Variants in MCRIP1 observed in about 807,000 individuals in gnomAD.
The protein encoded by MCRIP1 is mapk-regulated corepressor-interacting protein 1.
A neutral mutation model predicts 14.4 loss-of-function variants in MCRIP1; 10 were observed. That is an observed-to-expected ratio of 0.70 (90% CI 0.43 to 1.18). The LOEUF (loss-of-function observed/expected upper bound fraction) is 1.18. MCRIP1 is among the 50% of genes most tolerant of loss of function. The pLI, the probability that MCRIP1 is intolerant of heterozygous loss-of-function variation, is 0.00. For synonymous variants in MCRIP1, 53 were observed against 55.7 expected, an observed-to-expected ratio of 0.95 and a Z score of 0.21; for missense variants, 119 against 135.4, an observed-to-expected ratio of 0.88 and a Z score of 0.60.
intron 1 of MCRIP1, among the ~76,000 whole-genome samples, chr17:81,831,015 T>C (rs1033950716): frequency 1.3e-5 from 2 of 150,864 alleles, no homozygotes; most frequent in Admixed American, 6.6e-5. Flanking sequence ...TAAAAAAAAA[T>C]ACAAAAATTA....
chr17:81,822,887 CCTT>C lies in MCRIP1; in HGVS notation c.*357_*359del, dbSNP rs1275268987. ...AGCAGCCTGGGAGGCAGCAGAGGCTCCTTCTTCTCCCCTCCTGATCCTGCAGTG... is the reference window on the plus strand; with the variant it reads ...AGCAGCCTGGGAGGCAGCAGAGGCTCCTTCTCCCCTCCTGATCCTGCAGTG... On this transcript the variant is annotated 3_prime_UTR_variant, in exon 5 of 5. Coordinates refer to ENST00000455127, the MANE Select transcript of MCRIP1 (RefSeq NM_207368.5). 2.8e-5 allele frequency: 12 copies of C among 426,196 alleles called. No homozygotes were observed. Among genetic ancestry groups the C allele is most frequent in the East Asian group, 1.3e-4 (3 of 22,262 alleles). The allele number at this position is 426,196 out of a possible 1,614,324, so 26.4% of individuals were successfully genotyped here.
chr17:81,824,970 C>T, intron 1 of MCRIP1: 2 of 1,069,804 alleles, frequency 1.9e-6, no homozygotes, highest in Non-Finnish European at 2.3e-6. Flanking sequence ...TGCAGCCCCT[C>T]AGCTAACTGA....
At chr17:81,824,057 C>A (rs1263084600) in intron 3 of MCRIP1, among the ~76,000 whole-genome samples, 1 of 152,226 alleles carries the variant, frequency 6.6e-6, no homozygotes, top group Non-Finnish European at 1.5e-5. Flanking sequence ...GCCCCTCCTC[C>A]CGGGCTCCCC....
At chr17:81,832,995 C>T (rs1449719320) in intron 1 of MCRIP1, among the ~76,000 whole-genome samples, 1 of 151,766 alleles carries the variant, frequency 6.6e-6, no homozygotes, top group Non-Finnish European at 1.5e-5. Context: ...GAAAGGCGCT[C>T]AGTCCGAGCC....
intron 1 of MCRIP1, chr17:81,825,030 G>C (rs1190474055): frequency 9.8e-7 from 1 of 1,020,398 alleles, no homozygotes; most frequent in African/African-American, 1.7e-5. Context: ...GCTGAGCCTT[G>C]ATTTCCTTTC....
intron 1 of MCRIP1, among the ~76,000 whole-genome samples, chr17:81,828,945 G>A (rs72860583): frequency 0.23 from 34,604 of 152,112 alleles, 4,474 homozygotes; most frequent in African/African-American, 0.35. Flanking sequence ...AGTGTGGCTG[G>A]CAGGCAGCTC....
intron 1 of MCRIP1, chr17:81,826,521 T>TG: frequency 1.9e-6 from 1 of 530,890 alleles, no homozygotes; most frequent in Non-Finnish European, 3.1e-6. Context: ...AGACCCTGTG[T>TG]CAAAAAAAAA....
chr17:81,828,091 G>GT (rs2038446950), intron 1 of MCRIP1, among the ~76,000 whole-genome samples: 1 of 152,018 alleles, frequency 6.6e-6, no homozygotes, highest in Non-Finnish European at 1.5e-5. Context: ...CACCCATACA[G>GT]TTTTTTAAGT....
intron 1 of MCRIP1, chr17:81,825,318 C>T (rs2143215075): frequency 6.1e-6 from 7 of 1,144,406 alleles, no homozygotes; most frequent in Non-Finnish European, 7.6e-6. Flanking sequence ...GACGCTCACA[C>T]TGGCAGGCTG....
rs969796296 is a variant in MCRIP1 at position 81,824,508 on chromosome 17, G to T, written c.-2C>A. On this transcript the variant is annotated 5_prime_UTR_variant, in exon 2 of 5. Coordinates refer to ENST00000455127, the MANE Select transcript of MCRIP1 (RefSeq NM_207368.5). ...CCTGCCTGAGACCCACCTGGTCATC[G>T]CGGGGGCGTCTGATCCTAGCGCTCC... 2 of 1,536,072 alleles carry T rather than the reference G, an allele frequency of 1.3e-6. No individual in the cohort carries two copies. Among genetic ancestry groups the T allele is most frequent in the African/African-American group, 1.4e-5 (1 of 73,052 alleles).
Position 81,823,546 on chromosome 17 carries a change from C to A in MCRIP1, c.128-33G>T. 1 of 1,525,672 alleles carries A rather than the reference C, an allele frequency of 6.6e-7. No homozygotes were observed. The highest frequency in any genetic ancestry group is 1.2e-5 in the South Asian group (1 of 83,738). The allele number at this position is 1,525,672 out of a possible 1,614,324, so 94.5% of individuals were successfully genotyped here. ...GGCAGAGAGTGGTGTGCTCAGGGCCCCCTGCCCCAGGGGGTGGCATCCACG... is the reference window on the plus strand; with the variant it reads ...GGCAGAGAGTGGTGTGCTCAGGGCCACCTGCCCCAGGGGGTGGCATCCACG... On this transcript the variant is annotated intron_variant, in intron 3 of 4. Transcript: ENST00000455127. The surrounding 1 kb of genome is among the most constrained non-coding windows in gnomAD (Gnocchi z 6.0).
Position 81,823,541 on chromosome 17 carries a change from G to T in MCRIP1, c.128-28C>A. On this transcript the variant is annotated intron_variant, in intron 3 of 4. Coordinates refer to ENST00000455127, the MANE Select transcript of MCRIP1 (RefSeq NM_207368.5). This position sits in a 1 kb window ranked among gnomAD's most constrained non-coding sequence, Gnocchi z 6.0. ...GCAGAGGCAGAGAGTGGTGTGCTCA[G>T]GGCCCCCTGCCCCAGGGGGTGGCAT... The T allele has an allele frequency of 6.5e-7, 1 of 1,529,306 alleles. No homozygotes were observed. Among genetic ancestry groups the T allele is most frequent in the Non-Finnish European group, 8.8e-7 (1 of 1,141,392 alleles). 94.7% of individuals were successfully genotyped at this position (1,529,306 alleles called of 1,614,324 possible).
chr17:81,824,885 A>C, intron 1 of MCRIP1: 1 of 1,211,930 alleles, frequency 8.3e-7, no homozygotes, highest in Non-Finnish European at 1.0e-6. Flanking sequence ...CTGTGGCCAG[A>C]GCCCCTCCCC....
At chr17:81,825,051 G>A (rs544893701) in intron 1 of MCRIP1, 13 of 1,014,196 alleles carry the variant, frequency 1.3e-5, no homozygotes, top group Non-Finnish European at 1.5e-5. Flanking sequence ...TGTAAAACGG[G>A]GATGAGCTTC....
chr17:81,826,199 C>A (rs2038391172), intron 1 of MCRIP1: 2 of 1,515,614 alleles, frequency 1.3e-6, no homozygotes, highest in South Asian at 1.3e-5. Flanking sequence ...AGCAACTACC[C>A]TTCCGGGGCT....
chr17:81,825,720 G>A, intron 1 of MCRIP1: 1 of 1,289,362 alleles, frequency 7.8e-7, no homozygotes, highest in Non-Finnish European at 1.0e-6. Context: ...CAGGCCAGGA[G>A]TGAGGTCCAA....
chr17:81,830,186 T>C (rs2038488750), intron 1 of MCRIP1, among the ~76,000 whole-genome samples: 1 of 152,184 alleles, frequency 6.6e-6, no homozygotes, highest in Non-Finnish European at 1.5e-5. Flanking sequence ...TCATTCAAAG[T>C]GATGCAGCCC....
chr17:81,832,707 C>T (rs753624438), intron 1 of MCRIP1, among the ~76,000 whole-genome samples: 4 of 152,276 alleles, frequency 2.6e-5, no homozygotes, highest in Non-Finnish European at 5.9e-5. Flanking sequence ...CCAGTGAGTG[C>T]CTAGAAGGCA....
rs555402200 is a variant in MCRIP1 at position 81,822,379 on chromosome 17, G to C, written c.*868C>G. On this transcript the variant is annotated 3_prime_UTR_variant, in exon 5 of 5. Coordinates refer to ENST00000455127, the MANE Select transcript of MCRIP1 (RefSeq NM_207368.5). Reference sequence around the variant, plus strand: ...CGGGAGCTGGCTGTGCATGTGTGCCGCAGGGGCAGAGGCCTGACAGACCAC... The same window carrying C: ...CGGGAGCTGGCTGTGCATGTGTGCCCCAGGGGCAGAGGCCTGACAGACCAC... 1 of 152,446 alleles carries C rather than the reference G, an allele frequency of 6.6e-6. No homozygotes were observed. Among genetic ancestry groups the C allele is most frequent in the African/African-American group, 2.4e-5 (1 of 41,434 alleles). The allele number at this position is 152,446 out of a possible 1,614,324, so 9.4% of individuals were successfully genotyped here.
Sources: gnomAD v4.1 joint callset for allele counts (sites outside exome capture counted in the v4.1 genomes callset) on GRCh38, gnomAD v4.1.1 for gene constraint, Gnocchi (gnomAD v3.1) non-coding constraint, MANE v1.5 for transcripts, NCBI Gene and HGNC (gene_info 2026-07-23, HGNC 2026-07-21) for gene names.